The following VWA8 variants were observed in gnomAD, a reference collection of about 807,000 sequenced individuals.
VWA8 encodes the protein von Willebrand factor A domain containing 8, also known as von Willebrand factor A domain-containing protein 8.
A neutral mutation model predicts 241.5 loss-of-function variants in VWA8; 221 were observed. The observed-to-expected ratio is 0.91, with a 90% confidence interval of 0.82 to 1.02. VWA8 has a LOEUF of 1.02. Among genes scored for constraint, VWA8 ranks in the 50% least tolerant of loss-of-function variants. VWA8 has a pLI of 0.00. For missense variants in VWA8, 2,322 were observed against 2,328.7 expected (o/e 1.00, Z 0.06); for synonymous variants, 852 against 827.1 (o/e 1.03, Z -0.52).
rs115038632 is a variant in VWA8, at chr13:41,786,827, T to C, written c.2170+610A>G. On this transcript the variant is annotated intron_variant, in intron 18 of 44. Coordinates refer to ENST00000379310, the MANE Select transcript of VWA8 (RefSeq NM_015058.2). ...AATAGGTATTTACATTTTTAAAAAATTGAAAATCTTTCATTGTGTTCTAAT... is the reference window on the plus strand; with the variant it reads ...AATAGGTATTTACATTTTTAAAAAACTGAAAATCTTTCATTGTGTTCTAAT... Among the ~76,000 whole-genome samples, 915 of 152,160 alleles carry C rather than the reference T, an allele frequency of 6.0e-3. 11 individuals carry two copies. Among genetic ancestry groups the C allele is most frequent in the African/African-American group, 0.021 (871 of 41,534 alleles).
intron 18 of VWA8, among the ~76,000 whole-genome samples, chr13:41,784,137 G>T (rs1380719710): frequency 1.3e-5 from 2 of 150,896 alleles, no homozygotes; most frequent in Non-Finnish European, 2.9e-5. Flanking sequence ...ATATAATTGT[G>T]AGAAACTAAA....
chr13:41,863,188 T>TATATATATATACACACACACACACAC (rs1566485237), intron 12 of VWA8, among the ~76,000 whole-genome samples: 1 of 151,344 alleles, frequency 6.6e-6, no homozygotes, highest in African/African-American at 2.4e-5. Context: ...AAGACGGGTC[T>TATATATATATACACACACACACACAC]AGCCTCCCAG....
Position 41,632,099 on chromosome 13 carries a change from C to T in VWA8, c.4612-17015G>A, listed in dbSNP as rs1053068238. ...ATAGCCAAGGAAGAAGTTAGCAAAG[C>T]ATAACAACCTTGACTACAGCAAATA... is the stretch of plus-strand genomic sequence containing the variant. On this transcript the variant is annotated intron_variant, in intron 37 of 44. Transcript: ENST00000379310. Among the ~76,000 whole-genome samples, 8 of 152,154 alleles carry T rather than the reference C, an allele frequency of 5.3e-5. 1 individual carries two copies. The highest frequency in any genetic ancestry group is 5.2e-4 in the Admixed American group (8 of 15,270).
chr13:41,857,439 T>A (rs1374356169), intron 12 of VWA8, among the ~76,000 whole-genome samples: 1 of 152,132 alleles, frequency 6.6e-6, no homozygotes, highest in African/African-American at 2.4e-5. Flanking sequence ...CTTACTAAGA[T>A]AAGGGTTGTA....
chr13:41,727,500 C>CTGAT (rs1480052501), intron 23 of VWA8, among the ~76,000 whole-genome samples, 187 bp from the exon 24 acceptor site: 1 of 152,064 alleles, frequency 6.6e-6, no homozygotes, highest in Admixed American at 6.6e-5. Flanking sequence ...GAACCAAACA[C>CTGAT]TGATAAAGCA....
At chr13:41,701,331 T>C in intron 28 of VWA8, 61 bp downstream of exon 28, 1 of 1,487,676 alleles carries the variant, frequency 6.7e-7, no homozygotes, top group South Asian at 1.5e-5. Flanking sequence ...GAGATTATTT[T>C]AATCCATCTT....
chr13:41,715,819 A>C (rs1321727803), intron 26 of VWA8, among the ~76,000 whole-genome samples: 34 of 151,988 alleles, frequency 2.2e-4, no homozygotes, highest in Admixed American at 2.2e-3. Context: ...TAGTACATGC[A>C]ACACACACAT....
intron 42 of VWA8, among the ~76,000 whole-genome samples, chr13:41,580,054 T>C (rs2044372940): frequency 6.6e-6 from 1 of 151,540 alleles, no homozygotes; most frequent in Non-Finnish European, 1.5e-5. Context: ...AGGGTCTTGC[T>C]ACATTGCACA....
intron 14 of VWA8, 134 bp downstream of exon 14, chr13:41,830,395 G>C (rs1871394709): frequency 3.1e-6 from 2 of 649,940 alleles, no homozygotes; most frequent in Non-Finnish European, 5.1e-6. Flanking sequence ...CCAAAGTAGT[G>C]GCATATCCAG....
chr13:41,816,915 AC>A (rs1156790230), intron 15 of VWA8, 140 bp from the exon 16 acceptor site: 2 of 675,682 alleles, frequency 3.0e-6, no homozygotes, highest in Non-Finnish European at 5.0e-6. Flanking sequence ...TAAATGTTTA[AC>A]TTATGGATAA....
intron 37 of VWA8, among the ~76,000 whole-genome samples, chr13:41,646,229 G>C (rs939892775): frequency 4.6e-5 from 7 of 152,076 alleles, no homozygotes. Flanking sequence ...GCCTACCAAA[G>C]TGCTGGGATT....
At chr13:41,708,482 T>C (rs535858208) in intron 26 of VWA8, among the ~76,000 whole-genome samples, 130 of 152,340 alleles carry the variant, frequency 8.5e-4, no homozygotes, top group African/African-American at 3.1e-3. Flanking sequence ...TTCCCAGTAA[T>C]ATCTTCCTTT....
At chr13:41,790,346 A>T (rs916610395) in intron 17 of VWA8, among the ~76,000 whole-genome samples, 7 of 152,078 alleles carry the variant, frequency 4.6e-5, no homozygotes, top group African/African-American at 1.4e-4. Context: ...AATTACTAAC[A>T]GCTTAAACAG....
At chr13:41,585,741 G>C (rs2044412798) in intron 42 of VWA8, among the ~76,000 whole-genome samples, 1 of 151,796 alleles carries the variant, frequency 6.6e-6, no homozygotes, top group East Asian at 1.9e-4. Flanking sequence ...GCGGGCACCT[G>C]TAATCCCAGC....
chr13:41,655,707 T>A (rs1333258682), intron 37 of VWA8, among the ~76,000 whole-genome samples: 1 of 152,182 alleles, frequency 6.6e-6, no homozygotes, highest in Non-Finnish European at 1.5e-5. Context: ...TTAGAAGATA[T>A]TAGTGATATC....
chr13:41,851,662 A>G (rs1872538253), intron 12 of VWA8, among the ~76,000 whole-genome samples: 2 of 152,028 alleles, frequency 1.3e-5, no homozygotes, highest in Admixed American at 1.3e-4. Context: ...CATGATTCTG[A>G]GACCTCCCTA....
rs1006699915 is a variant in VWA8, at chr13:41,611,835, A to G, written c.4721-103T>C. Reference sequence around the variant, plus strand: ...CAGCCTTGTGGAGGATATTAATTGTACTTAACTAGTAATTAAACAGTCAAA... The same window carrying G: ...CAGCCTTGTGGAGGATATTAATTGTGCTTAACTAGTAATTAAACAGTCAAA... On this transcript the variant is annotated intron_variant, in intron 38 of 44. Coordinates refer to ENST00000379310, the MANE Select transcript of VWA8 (RefSeq NM_015058.2). 4.7e-6 allele frequency: 6 copies of G among 1,267,636 alleles called. No homozygotes were observed. The African/African-American group carries it at 7.5e-5, about 16-fold the overall frequency. The allele number at this position is 1,267,636 out of a possible 1,614,324, so 78.5% of individuals were successfully genotyped here.
chr13:41,956,202 T>G (rs537816112), intron 1 of VWA8, among the ~76,000 whole-genome samples: 2 of 152,324 alleles, frequency 1.3e-5, no homozygotes, highest in East Asian at 3.9e-4. Context: ...ATCACTGGCC[T>G]CTACCCGCTA....
Position 41,754,525 on chromosome 13 carries a change from G to A in VWA8, c.2426+6603C>T, listed in dbSNP as rs138372173. Among the ~76,000 whole-genome samples the A allele has an allele frequency of 6.5e-3, 989 of 152,182 alleles. 8 individuals carry two copies. Among genetic ancestry groups the A allele is most frequent in the Admixed American group, 0.011 (164 of 15,268 alleles). On this transcript the variant is annotated intron_variant, in intron 21 of 44. Transcript: ENST00000379310. ...GTGTACACGAGATATTTTGATACAA[G>A]CATGCAATGCATAATAATCACATCA...
Sources: gnomAD v4.1 joint callset for allele counts (sites outside exome capture counted in the v4.1 genomes callset) on GRCh38, gnomAD v4.1.1 for gene constraint, MANE v1.5 for transcripts, NCBI Gene and HGNC (gene_info 2026-07-23, HGNC 2026-07-21) for gene names.